The following OLA1 variants were observed in gnomAD, a reference collection of about 807,000 sequenced individuals.
The protein encoded by OLA1 is Obg like ATPase 1, also known as obg-like ATPase 1.
A neutral mutation model predicts 48.4 loss-of-function variants in OLA1; 14 were observed. That is an observed-to-expected ratio of 0.29 (90% confidence interval 0.19 to 0.45). OLA1 has a LOEUF of 0.45. Among genes scored for constraint, OLA1 ranks in the 20% least tolerant of loss-of-function variants. The pLI is 1.00. For synonymous variants in OLA1, 127 were observed against 150.4 expected, an observed-to-expected ratio of 0.84 and a Z score of 1.14; for missense variants, 325 against 467.1, an observed-to-expected ratio of 0.70 and a Z score of 2.80.
chr2:174,097,340 C>T (rs574721956), intron 7 of OLA1, among the ~76,000 whole-genome samples: 17 of 151,976 alleles, frequency 1.1e-4, no homozygotes, highest in Non-Finnish European at 2.4e-4. Context: ...GAGGATGCAA[C>T]TTTGAAAAAG....
chr2:174,247,502 G>A (rs1207333689), intron 1 of OLA1, among the ~76,000 whole-genome samples: 2 of 152,204 alleles, frequency 1.3e-5, no homozygotes, highest in Non-Finnish European at 2.9e-5. Flanking sequence ...ATGGTTATAT[G>A]AAAGAAAGCA....
intron 7 of OLA1, among the ~76,000 whole-genome samples, chr2:174,094,557 G>A (rs888991803): frequency 6.6e-6 from 1 of 152,154 alleles, no homozygotes; most frequent in Non-Finnish European, 1.5e-5. Context: ...CTCAAGACTC[G>A]GCAGCACTGG....
At chr2:174,211,541 C>A (rs916836249) in intron 4 of OLA1, among the ~76,000 whole-genome samples, 2 of 152,000 alleles carry the variant, frequency 1.3e-5, no homozygotes, top group African/African-American at 4.8e-5. Context: ...ATATCATATC[C>A]AAAACTGGTA....
At chr2:174,155,827 T>A (rs1159072759) in intron 4 of OLA1, among the ~76,000 whole-genome samples, 1 of 151,918 alleles carries the variant, frequency 6.6e-6, no homozygotes, top group Non-Finnish European at 1.5e-5. Context: ...AGACGAGGAC[T>A]TTCAGGGACA....
chr2:174,171,589 A>C (rs1687304303), intron 4 of OLA1, among the ~76,000 whole-genome samples: 1 of 152,376 alleles, frequency 6.6e-6, no homozygotes. Context: ...ATAACCTATC[A>C]ACGTATGTGG....
At chr2:174,156,121 T>C (rs1478606945) in intron 4 of OLA1, among the ~76,000 whole-genome samples, 4 of 152,184 alleles carry the variant, frequency 2.6e-5, no homozygotes, top group Non-Finnish European at 5.9e-5. Flanking sequence ...CCTCAATGTA[T>C]TTAACTATTA....
chr2:174,247,931 C>A, intron 1 of OLA1: 1 of 912,308 alleles, frequency 1.1e-6, no homozygotes, highest in Non-Finnish European at 1.6e-6. Context: ...GTCTCAGAAG[C>A]TGGGAACTAA....
intron 4 of OLA1, 45 bp from the exon 5 acceptor site, chr2:174,142,045 GC>G (rs749659967): frequency 1.1e-5 from 17 of 1,504,438 alleles, no homozygotes; most frequent in Non-Finnish European, 1.6e-5. Flanking sequence ...AAATAATACA[GC>G]GTGTTCATTA....
chr2:174,110,135 G>A (rs1315464464), intron 7 of OLA1, among the ~76,000 whole-genome samples: 3 of 121,154 alleles, frequency 2.5e-5, no homozygotes, highest in African/African-American at 9.7e-5. Context: ...TTGTTCTGTC[G>A]CCCAGTCTGG....
intron 7 of OLA1, among the ~76,000 whole-genome samples, chr2:174,096,982 C>T (rs1466221143): frequency 6.6e-6 from 1 of 152,040 alleles, no homozygotes; most frequent in Non-Finnish European, 1.5e-5. Flanking sequence ...ATGGCGAAAC[C>T]CCGTCTCTAC....
intron 7 of OLA1, among the ~76,000 whole-genome samples, chr2:174,087,277 C>G (rs1327043679): frequency 6.6e-6 from 1 of 152,064 alleles, no homozygotes. Context: ...CCACCCGCCT[C>G]GGCCTCCCAA....
chr2:174,142,545 G>A (rs913949174), intron 4 of OLA1, among the ~76,000 whole-genome samples: 1 of 152,198 alleles, frequency 6.6e-6, no homozygotes, highest in Non-Finnish European at 1.5e-5. Flanking sequence ...TATCAAAGAA[G>A]CAGATGAAGG....
intron 4 of OLA1, among the ~76,000 whole-genome samples, chr2:174,164,348 A>AATACCATTCTACATAGTGCAGAATGG (rs1687108436): frequency 8.1e-6 from 1 of 124,042 alleles, no homozygotes; most frequent in African/African-American, 3.8e-5. Flanking sequence ...GGCACTACGC[A>AATACCATTCTACATAGTGCAGAATGG]ATACCATTCT....
At chr2:174,099,306 C>T (rs919856986) in intron 7 of OLA1, among the ~76,000 whole-genome samples, 27 of 152,216 alleles carry the variant, frequency 1.8e-4, no homozygotes, top group African/African-American at 6.5e-4. Flanking sequence ...CAGGTGCGTG[C>T]CACCACGCCC....
intron 3 of OLA1, among the ~76,000 whole-genome samples, chr2:174,228,513 C>T (rs1212920685): frequency 6.6e-6 from 1 of 152,144 alleles, no homozygotes; most frequent in Non-Finnish European, 1.5e-5. Context: ...TTTCACCCCT[C>T]TCATTATATA....
chr2:174,117,009 G>A (rs550451948), intron 7 of OLA1, among the ~76,000 whole-genome samples: 1 of 152,234 alleles, frequency 6.6e-6, no homozygotes, highest in Non-Finnish European at 1.5e-5. Flanking sequence ...GAAGCCAAGG[G>A]TGACAATAAA....
chr2:174,189,720 A>G (rs1687733154), intron 4 of OLA1, among the ~76,000 whole-genome samples: 1 of 152,168 alleles, frequency 6.6e-6, no homozygotes, highest in South Asian at 2.1e-4. Flanking sequence ...AAACTTGAAT[A>G]TCTACCATAA....
At chr2:174,084,844 T>C (rs1684933246) in intron 7 of OLA1, among the ~76,000 whole-genome samples, 1 of 152,222 alleles carries the variant, frequency 6.6e-6, no homozygotes, top group African/African-American at 2.4e-5. Context: ...GTACAAATGT[T>C]AGCAAATGTC....
At chr2:174,137,811 T>C (rs1024432177) in intron 5 of OLA1, among the ~76,000 whole-genome samples, 1 of 152,222 alleles carries the variant, frequency 6.6e-6, no homozygotes, top group Non-Finnish European at 1.5e-5. Flanking sequence ...TCTGGAATAG[T>C]CCTTCGCTTA....
Sources: allele counts gnomAD v4.1 joint callset (sites outside exome capture counted in the v4.1 genomes callset), GRCh38; gene constraint gnomAD v4.1.1; transcripts MANE v1.5; gene names NCBI Gene and HGNC (gene_info 2026-07-23, HGNC 2026-07-21).